SLC25A13: variants seen among roughly 807,000 people sequenced by gnomAD.
SLC25A13 encodes solute carrier family 25 member 13.
A neutral mutation model predicts 85.5 loss-of-function variants in SLC25A13; 70 were observed. The ratio of observed to expected loss-of-function variants is 0.82; its 90% CI spans 0.68 to 1.00. The LOEUF (loss-of-function observed/expected upper bound fraction) is 1.00. SLC25A13 is among the 50% of genes least tolerant of loss of function. The probability of loss-of-function intolerance (pLI) is 0.00; values close to 1 mark genes in which losing one functional copy is unlikely to be tolerated. For missense variants in SLC25A13, 765 were observed against 819.8 expected, an observed-to-expected ratio of 0.93 and a Z score of 0.82; for synonymous variants, 259 against 288.7, an observed-to-expected ratio of 0.90 and a Z score of 1.04.
rs1441822854 is a variant in SLC25A13 at position 96,322,034 on chromosome 7, A to G, written c.-78T>C. 10 of 1,517,552 alleles carry G rather than the reference A, an allele frequency of 6.6e-6. No individual in the cohort carries two copies. Among genetic ancestry groups the G allele is most frequent in the Middle Eastern group, 1.9e-4 (1 of 5,178 alleles). The allele number at this position is 1,517,552 out of a possible 1,614,324, so 94.0% of individuals were successfully genotyped here. A position where few individuals can be genotyped will look rare whatever the true frequency, so the allele number is the denominator to read the frequency against. Reference sequence around the variant, plus strand: ...TTTGGGACCCGGGCGGCTCACTTCTAGTCCCGGCGGCGGCGGCGGTGGGGG... The same window carrying G: ...TTTGGGACCCGGGCGGCTCACTTCTGGTCCCGGCGGCGGCGGCGGTGGGGG... On this transcript the variant is annotated 5_prime_UTR_variant, in exon 1 of 18. Transcript: ENST00000265631.
In SLC25A13 at chr7:96,184,275, ACC is replaced by A. The variant is rs1794535552; in HGVS notation, c.1177_1177+1del. 1.2e-6 allele frequency: 2 copies of A among 1,613,968 alleles called. No individual in the cohort carries two copies. The highest frequency in any genetic ancestry group is 2.7e-5 in the African/African-American group (2 of 74,916). Reference sequence around the variant, plus strand: ...AACAGGTATTGAGCATGTGGCACTAACCTCTATACAGTCCAAAGAAGCCTTCA... The same window carrying A: ...AACAGGTATTGAGCATGTGGCACTAATCTATACAGTCCAAAGAAGCCTTCA... On this transcript the variant is annotated splice_donor_variant and coding_sequence_variant, in exon 11 of 18. Coordinates refer to ENST00000265631, the MANE Select transcript of SLC25A13 (RefSeq NM_014251.3). LOFTEE classifies it high-confidence loss of function.
chr7:96,191,076 T>G, intron 7 of SLC25A13, 33 bp downstream of exon 7: 1 of 1,613,314 alleles, frequency 6.2e-7, no homozygotes, highest in Non-Finnish European at 8.5e-7. Flanking sequence ...CCACAATACT[T>G]GCAGGCTAGA....
chr7:96,280,033 A>T (rs1162711717), intron 2 of SLC25A13, among the ~76,000 whole-genome samples: 1 of 152,156 alleles, frequency 6.6e-6, no homozygotes, highest in Non-Finnish European at 1.5e-5. Context: ...TCTGAGGCTG[A>T]CCTACGCTCC....
At chr7:96,291,331 CA>C (rs1799110860) in intron 2 of SLC25A13, among the ~76,000 whole-genome samples, 1 of 151,994 alleles carries the variant, frequency 6.6e-6, no homozygotes, top group Non-Finnish European at 1.5e-5. Context: ...AAGCAGGAAA[CA>C]TCTAAAATTG....
At chr7:96,216,796 A>C (rs1795917388) in intron 4 of SLC25A13, among the ~76,000 whole-genome samples, 1 of 152,178 alleles carries the variant, frequency 6.6e-6, no homozygotes, top group Admixed American at 6.6e-5. Flanking sequence ...ACTAATGGGT[A>C]CTAGGCTTAA....
intron 5 of SLC25A13, among the ~76,000 whole-genome samples, chr7:96,207,230 CA>C (rs1394515037): frequency 6.6e-6 from 1 of 152,108 alleles, no homozygotes; most frequent in African/African-American, 2.4e-5. Flanking sequence ...AAAATAAAAG[CA>C]AACTAGACAG....
chr7:96,307,864 C>T lies in SLC25A13; in HGVS notation c.16-10913G>A, dbSNP rs556053355. Among the ~76,000 whole-genome samples, 634 of 151,994 alleles carry T rather than the reference C, an allele frequency of 4.2e-3. 5 individuals carry two copies. The highest frequency in any genetic ancestry group is 0.015 in the African/African-American group (616 of 41,502). ...GCAATGGAACATTTAAATCTGACTC[C>T]ACTGCGGCCGGGCGCAGTGGCTCAC... is the stretch of plus-strand genomic sequence containing the variant. On this transcript the variant is annotated intron_variant, in intron 1 of 17. Transcript: ENST00000265631.
intron 2 of SLC25A13, among the ~76,000 whole-genome samples, chr7:96,282,372 A>G (rs577301294): frequency 1.1e-3 from 162 of 152,276 alleles, no homozygotes; most frequent in African/African-American, 3.8e-3. Context: ...GTAGAACCAT[A>G]ATCATCCAGC....
intron 1 of SLC25A13, among the ~76,000 whole-genome samples, chr7:96,315,671 A>C (rs1322577345): frequency 2.0e-5 from 3 of 152,192 alleles, no homozygotes; most frequent in Non-Finnish European, 4.4e-5. Context: ...TTGTTTTAAT[A>C]ATCATCATCA....
chr7:96,146,769 A>T, intron 13 of SLC25A13, 73 bp from the exon 14 acceptor site: 5 of 1,502,942 alleles, frequency 3.3e-6, no homozygotes, highest in Non-Finnish European at 4.6e-6. Flanking sequence ...ATGAATGATT[A>T]TTCTCAAGGA....
At chr7:96,232,658 A>G (rs905739420) in intron 4 of SLC25A13, among the ~76,000 whole-genome samples, 8 of 151,716 alleles carry the variant, frequency 5.3e-5, no homozygotes, top group African/African-American at 1.9e-4. Flanking sequence ...GAAAAAAAAA[A>G]AAAAAAACAG....
At chr7:96,188,234 C>T (rs1425706904) in intron 9 of SLC25A13, among the ~76,000 whole-genome samples, 2 of 152,212 alleles carry the variant, frequency 1.3e-5, no homozygotes, top group Non-Finnish European at 2.9e-5. Flanking sequence ...ATTTCTCCTG[C>T]ACTCAGAGAA....
At chr7:96,321,688 C>A (rs1800350843) in intron 1 of SLC25A13, among the ~76,000 whole-genome samples, 1 of 152,196 alleles carries the variant, frequency 6.6e-6, no homozygotes, top group African/African-American at 2.4e-5. Context: ...CACCAACTTC[C>A]CTCCCCGGCC....
chr7:96,165,168 G>T (rs1562807695), intron 13 of SLC25A13, among the ~76,000 whole-genome samples: 1 of 152,114 alleles, frequency 6.6e-6, no homozygotes, highest in Non-Finnish European at 1.5e-5. Context: ...GAAGGAGACA[G>T]AAAATAAACA....
intron 1 of SLC25A13, among the ~76,000 whole-genome samples, chr7:96,317,422 T>A (rs898951416): frequency 2.0e-5 from 3 of 151,990 alleles, no homozygotes; most frequent in African/African-American, 7.3e-5. Flanking sequence ...GAATCAACAA[T>A]GAAACACATT....
At chr7:96,307,506 A>C (rs571211040) in intron 1 of SLC25A13, among the ~76,000 whole-genome samples, 1 of 151,742 alleles carries the variant, frequency 6.6e-6, no homozygotes, top group Non-Finnish European at 1.5e-5. Context: ...AGTGAGCCAT[A>C]ATCGCGCCAC....
At chr7:96,268,356 T>C (rs1218112324) in intron 3 of SLC25A13, among the ~76,000 whole-genome samples, 3 of 152,234 alleles carry the variant, frequency 2.0e-5, no homozygotes, top group Non-Finnish European at 2.9e-5. Context: ...ATTCTCATTT[T>C]GAATGAAAAA....
At chr7:96,299,946 C>A (rs954408901) in intron 1 of SLC25A13, among the ~76,000 whole-genome samples, 1 of 152,192 alleles carries the variant, frequency 6.6e-6, no homozygotes. Flanking sequence ...AAGTGGAACA[C>A]CTGTACAGGG....
intron 15 of SLC25A13, among the ~76,000 whole-genome samples, chr7:96,124,081 A>G (rs1791628182): frequency 6.6e-6 from 1 of 152,218 alleles, no homozygotes; most frequent in South Asian, 2.1e-4. Context: ...CACCTCTGTG[A>G]CAGGAGTAAC....
Sources: gnomAD v4.1 joint callset for allele counts (sites outside exome capture counted in the v4.1 genomes callset) on GRCh38, gnomAD v4.1.1 for gene constraint, MANE v1.5 for transcripts, NCBI Gene and HGNC (gene_info 2026-07-23, HGNC 2026-07-21) for gene names.